Variants in KIF5C observed in about 807,000 individuals in gnomAD.
KIF5C encodes kinesin family member 5C.
In KIF5C, 18 loss-of-function variants were observed where a neutral mutation model predicts 125.2. The ratio of observed to expected loss-of-function variants is 0.14; its 90% CI spans 0.10 to 0.21. The LOEUF (loss-of-function observed/expected upper bound fraction) is 0.21. Ranked by LOEUF, KIF5C falls within the 10% of genes least tolerant of loss-of-function variation. The pLI is 1.00. For synonymous variants in KIF5C, 405 were observed against 434.0 expected (o/e 0.93, Z 0.83); for missense variants, 780 against 1,183.8 (o/e 0.66, Z 5.01).
rs542285597 is a variant in KIF5C at position 148,924,673 on chromosome 2, C to T, written c.217+2446C>T. Among the ~76,000 whole-genome samples the T allele has an allele frequency of 2.0e-5, 3 of 152,164 alleles. No individual in the cohort carries two copies. Among genetic ancestry groups the T allele is most frequent in the South Asian group, 4.1e-4 (2 of 4,822 alleles). ...GTAAATGGGAAGGCTCCTTTGGACG[C>T]CTAGGAATTAAACACCATGGTAACT... On this transcript the variant is annotated intron_variant, in intron 2 of 25. Coordinates refer to ENST00000435030, the MANE Select transcript of KIF5C (RefSeq NM_004522.3). The surrounding 1 kb of genome is among the most constrained non-coding windows in gnomAD (Gnocchi z 4.0).
chr2:148,977,101 C>T lies in KIF5C; in HGVS notation c.1294-1821C>T, dbSNP rs529862531. 2.0e-5 allele frequency among the ~76,000 whole-genome samples: 3 copies of T among 152,236 alleles called. No individual in the cohort carries two copies. In the South Asian group the frequency reaches 6.2e-4, roughly 32 times the overall value. ...AAATCACAGTAGAGCTCATTAATTC[C>T]TTAGATAAGTTGCCTTAATAAAGGG... On this transcript the variant is annotated intron_variant, in intron 12 of 25. Coordinates refer to ENST00000435030, the MANE Select transcript of KIF5C (RefSeq NM_004522.3).
chr2:148,942,100 T>C lies in KIF5C; in HGVS notation c.501+110T>C, dbSNP rs1308077606. 2.5e-6 allele frequency: 3 copies of C among 1,214,914 alleles called. No individual in the cohort carries two copies. The African/African-American group carries it at 4.7e-5, about 19-fold the overall frequency. The allele number at this position is 1,214,914 out of a possible 1,614,324, so 75.3% of individuals were successfully genotyped here. On this transcript the variant is annotated intron_variant, in intron 6 of 25. Coordinates refer to ENST00000435030, the MANE Select transcript of KIF5C (RefSeq NM_004522.3). Reference sequence around the variant, plus strand: ...TATCTGTAAAGAGCATATAGGCATTTATTCAGGCTCCTTATATTTAATATT... The same window carrying C: ...TATCTGTAAAGAGCATATAGGCATTCATTCAGGCTCCTTATATTTAATATT...
At chr2:148,925,458 C>T (rs984157088) in intron 2 of KIF5C, among the ~76,000 whole-genome samples, 2 of 152,158 alleles carry the variant, frequency 1.3e-5, no homozygotes. Flanking sequence ...ATATACTTGA[C>T]ATATGTTGTT....
chr2:148,906,913 G>A (rs909562610), intron 1 of KIF5C, among the ~76,000 whole-genome samples: 1 of 151,746 alleles, frequency 6.6e-6, no homozygotes, highest in African/African-American at 2.4e-5. Flanking sequence ...AAAAGAATTA[G>A]CTGGGTGTGG....
At chr2:148,900,281 A>C (rs1416742526) in intron 1 of KIF5C, among the ~76,000 whole-genome samples, 1 of 152,038 alleles carries the variant, frequency 6.6e-6, no homozygotes, top group Non-Finnish European at 1.5e-5. Context: ...CATTGTGGAC[A>C]CTCTTTTCCA....
rs571714767 is a variant in KIF5C at position 148,991,360 on chromosome 2, T to G, written c.1905+162T>G. ...GGCAGCCCAGGTCTATTCCTAGGGC[T>G]ACATTTTGTTGTGTGAAATAGATGA... On this transcript the variant is annotated intron_variant, in intron 16 of 25. Coordinates refer to ENST00000435030, the MANE Select transcript of KIF5C (RefSeq NM_004522.3). Among the ~76,000 whole-genome samples the G allele has an allele frequency of 1.4e-4, 22 of 152,340 alleles. No individual in the cohort carries two copies. The South Asian group carries it at 4.6e-3, about 32-fold the overall frequency.
intron 1 of KIF5C, among the ~76,000 whole-genome samples, chr2:148,882,699 A>G (rs1681401215): frequency 6.6e-6 from 1 of 151,566 alleles, no homozygotes; most frequent in Non-Finnish European, 1.5e-5. Flanking sequence ...TCGCCTTTAG[A>G]CTCTCAGCCC....
At chr2:148,926,177 G>C (rs1419674925) in intron 2 of KIF5C, among the ~76,000 whole-genome samples, 2 of 152,220 alleles carry the variant, frequency 1.3e-5, no homozygotes, top group East Asian at 3.9e-4. Context: ...GCAAGACCTG[G>C]ATTCAGAACT....
At chr2:149,002,260 C>G (rs1289501470) in intron 21 of KIF5C, among the ~76,000 whole-genome samples, 2 of 152,206 alleles carry the variant, frequency 1.3e-5, no homozygotes, top group African/African-American at 4.8e-5. Flanking sequence ...TCCTTTATAT[C>G]CGTGAGCTCT....
intron 10 of KIF5C, among the ~76,000 whole-genome samples, chr2:148,954,888 C>T (rs935995812): frequency 6.6e-6 from 1 of 151,980 alleles, no homozygotes; most frequent in Non-Finnish European, 1.5e-5. Flanking sequence ...TACACTTTGA[C>T]ATGAAAGAAA....
rs561419183 is a variant in KIF5C, at chr2:148,907,444, G to A, written c.127-14693G>A. On this transcript the variant is annotated intron_variant, in intron 1 of 25. Transcript: ENST00000435030. ...GGCCCAGCACACTGCATGACCAGCTGCAAGCTTTGTGCATTAACCCAGGAG... is the reference window on the plus strand; with the variant it reads ...GGCCCAGCACACTGCATGACCAGCTACAAGCTTTGTGCATTAACCCAGGAG... Among the ~76,000 whole-genome samples, 21 of 152,364 alleles carry A rather than the reference G, an allele frequency of 1.4e-4. No individual in the cohort carries two copies. The South Asian group carries it at 3.9e-3, about 29-fold the overall frequency.
rs377429057 is a variant in KIF5C at position 148,916,464 on chromosome 2, T to C, written c.127-5673T>C. Among the ~76,000 whole-genome samples the C allele has an allele frequency of 6.2e-4, 94 of 152,296 alleles. 1 individual carries two copies. In the South Asian group the frequency reaches 0.011, roughly 18 times the overall value. On this transcript the variant is annotated intron_variant, in intron 1 of 25. Transcript: ENST00000435030. ...CTCAGGAGTCACAGGCCTGGGGACC[T>C]GGAGGGGCCCAAGATGTGATTCAGC...
intron 25 of KIF5C, among the ~76,000 whole-genome samples, chr2:149,021,219 T>C (rs556279023): frequency 1.4e-4 from 21 of 152,198 alleles, no homozygotes; most frequent in African/African-American, 4.3e-4. Context: ...CAAGCCACCA[T>C]GCCGGGCTAA....
At chr2:148,895,374 G>A (rs1403760790) in intron 1 of KIF5C, among the ~76,000 whole-genome samples, 2 of 152,084 alleles carry the variant, frequency 1.3e-5, no homozygotes, top group Non-Finnish European at 2.9e-5. Flanking sequence ...CTAACCTCAA[G>A]TGATCCACCT....
Position 148,875,515 on chromosome 2 carries a change from A to G in KIF5C, c.-103A>G. On this transcript the variant is annotated 5_prime_UTR_variant, in exon 1 of 26. Transcript: ENST00000435030. Reference sequence around the variant, plus strand: ...GAGAAGCGTCGTCGGAGGCTGCAGGAGGCGGCCTAGCTGTGGGCGGTGCAG... The same window carrying G: ...GAGAAGCGTCGTCGGAGGCTGCAGGGGGCGGCCTAGCTGTGGGCGGTGCAG... 1.1e-6 allele frequency: 1 copy of G among 945,590 alleles called. No individual in the cohort carries two copies. Among genetic ancestry groups the G allele is most frequent in the South Asian group, 1.5e-5 (1 of 65,174 alleles). The allele number at this position is 945,590 out of a possible 1,614,324, so 58.6% of individuals were successfully genotyped here.
intron 17 of KIF5C, among the ~76,000 whole-genome samples, chr2:148,995,324 TC>T (rs1187201054): frequency 2.6e-5 from 4 of 152,226 alleles, no homozygotes; most frequent in Non-Finnish European, 5.9e-5. Context: ...ATCCTGTTGC[TC>T]TTAATATAAA....
intron 1 of KIF5C, among the ~76,000 whole-genome samples, chr2:148,917,417 T>C (rs1185031918): frequency 6.6e-6 from 1 of 152,258 alleles, no homozygotes; most frequent in Non-Finnish European, 1.5e-5. Context: ...AGTAAGGGCC[T>C]GGCAGTTATT....
intron 1 of KIF5C, chr2:148,877,076 G>A (rs1329860262): frequency 6.6e-6 from 1 of 152,258 alleles, no homozygotes; most frequent in Admixed American, 6.5e-5. Context: ...TTCCAGCCCG[G>A]GCGGTCCCCA....
At chr2:148,987,951 TG>T (rs1291952464) in intron 15 of KIF5C, among the ~76,000 whole-genome samples, 1 of 151,958 alleles carries the variant, frequency 6.6e-6, no homozygotes, top group Non-Finnish European at 1.5e-5. Context: ...GCTTGAGAGA[TG>T]GGGGTAGGGA....
Sources: allele counts gnomAD v4.1 joint callset (sites outside exome capture counted in the v4.1 genomes callset), GRCh38; gene constraint gnomAD v4.1.1; non-coding constraint Gnocchi (gnomAD v3.1); transcripts MANE v1.5; gene names NCBI Gene and HGNC (gene_info 2026-07-23, HGNC 2026-07-21).